KAZN: variants seen among roughly 807,000 people sequenced by gnomAD.
The protein encoded by KAZN is kazrin, periplakin interacting protein, also known as kazrin.
Under a neutral mutation model 87.4 loss-of-function variants are expected in KAZN, and 40 were observed. The ratio of observed to expected loss-of-function variants is 0.46; its 90% CI spans 0.36 to 0.60. The LOEUF (loss-of-function observed/expected upper bound fraction) is 0.60. Among genes scored for constraint, KAZN ranks in the 20% least tolerant of loss-of-function variants. The pLI, the probability that KAZN is intolerant of heterozygous loss-of-function variation, is 0.00. For synonymous variants in KAZN, 466 were observed against 458.3 expected (o/e 1.02, Z -0.22); for missense variants, 898 against 1,073.9 (o/e 0.84, Z 2.29).
At chr1:14,741,938 G>C (rs1474956925) in intron 1 of KAZN, among the ~76,000 whole-genome samples, 2 of 151,822 alleles carry the variant, frequency 1.3e-5, no homozygotes, top group Non-Finnish European at 2.9e-5. Flanking sequence ...TCTCTCTTGT[G>C]GTTGTTTTTT....
intron 1 of KAZN, among the ~76,000 whole-genome samples, chr1:14,049,645 TG>T (rs1255702574): frequency 3.9e-5 from 6 of 152,310 alleles, no homozygotes; most frequent in Non-Finnish European, 7.4e-5. Flanking sequence ...CTTCCTTTTT[TG>T]TTCCCTTTTC....
rs879602613 is a variant in KAZN, at chr1:14,088,836, A to AT, written c.92-91590dup. On this transcript the variant is annotated intron_variant, in intron 1 of 16. Coordinates refer to the KAZN transcript ENST00000636203. Reference sequence around the variant, plus strand: ...TTTATGAAGTCCATGCACATTTAGCATTTTTTTTTGCTCTCTTCATGAATG... The same window carrying AT: ...TTTATGAAGTCCATGCACATTTAGCATTTTTTTTTTGCTCTCTTCATGAATG... Among the ~76,000 whole-genome samples the AT allele has an allele frequency of 1.8e-3, 265 of 149,364 alleles. 1 individual carries two copies. The highest frequency in any genetic ancestry group is 3.1e-3 in the Non-Finnish European group (210 of 67,158).
chr1:14,972,181 T>G (rs1300390449), intron 2 of KAZN, among the ~76,000 whole-genome samples: 1 of 152,196 alleles, frequency 6.6e-6, no homozygotes, highest in Non-Finnish European at 1.5e-5. Context: ...AAATTTTGCT[T>G]GGAGCATGGC....
At chr1:14,833,901 C>A (rs1358967429) in intron 1 of KAZN, among the ~76,000 whole-genome samples, 1 of 151,240 alleles carries the variant, frequency 6.6e-6, no homozygotes, top group Non-Finnish European at 1.5e-5. Context: ...TGTCTAAGAG[C>A]CGAGAATGTC....
chr1:14,483,196 C>T (rs1265406468), intron 2 of KAZN, among the ~76,000 whole-genome samples: 1 of 152,162 alleles, frequency 6.6e-6, no homozygotes, highest in Non-Finnish European at 1.5e-5. Context: ...CCCATCCAAA[C>T]TCCAAGGCCA....
At chr1:14,235,246 T>C (rs1338878533) in intron 2 of KAZN, among the ~76,000 whole-genome samples, 1 of 152,172 alleles carries the variant, frequency 6.6e-6, no homozygotes, top group Non-Finnish European at 1.5e-5. Flanking sequence ...TATTCATCCA[T>C]AAACAAAATG....
At chr1:14,686,380 A>T (rs1006789077) in intron 1 of KAZN, among the ~76,000 whole-genome samples, 2 of 152,220 alleles carry the variant, frequency 1.3e-5, no homozygotes, top group African/African-American at 4.8e-5. Context: ...CCACTCTTGA[A>T]GATCGTACTG....
chr1:14,924,047 CGGGGCGGGGGCGGGGCG>C, intron 1 of KAZN: 6 of 746,718 alleles, frequency 8.0e-6, no homozygotes, highest in Non-Finnish European at 7.3e-6. Flanking sequence ...GGCGCCGCGG[CGGGGCGGGGGCGGGGCG>C]GGGGCGGGGC....
intron 2 of KAZN, among the ~76,000 whole-genome samples, chr1:14,525,475 C>A (rs1201378259): frequency 3.3e-5 from 5 of 152,092 alleles, no homozygotes; most frequent in Admixed American, 3.3e-4. Context: ...GCTTGTGTTC[C>A]GATAAAACTT....
intron 1 of KAZN, among the ~76,000 whole-genome samples, chr1:14,153,322 C>T (rs2884842): frequency 0.47 from 70,887 of 151,980 alleles, 16,820 homozygotes; most frequent in African/African-American, 0.55. Flanking sequence ...AGTAGTTTCA[C>T]AGTATGAGGT....
At chr1:15,039,863 T>C (rs755242253) in intron 3 of KAZN, among the ~76,000 whole-genome samples, 1 of 152,228 alleles carries the variant, frequency 6.6e-6, no homozygotes, top group Non-Finnish European at 1.5e-5. Flanking sequence ...CGGGGGCAGC[T>C]CCCTGTAGCT....
At chr1:14,046,657 G>A (rs1642086660) in intron 1 of KAZN, among the ~76,000 whole-genome samples, 1 of 152,156 alleles carries the variant, frequency 6.6e-6, no homozygotes, top group Admixed American at 6.5e-5. Flanking sequence ...CCTGAATGGT[G>A]GGGGTTTATT....
In KAZN at chr1:14,769,704, T is replaced by C. The variant is rs976399916; in HGVS notation, c.226+170481T>C. ...GGGCTCTTGATTAGTGTCTAAGTGA[T>C]TGCGGGAAATTAACACTGGTCCTTC... On this transcript the variant is annotated intron_variant, in intron 1 of 14. Transcript: ENST00000376030. This position sits in a 1 kb window ranked among gnomAD's most constrained non-coding sequence, Gnocchi z 4.1. 6.6e-6 allele frequency among the ~76,000 whole-genome samples: 1 copy of C among 152,228 alleles called. No homozygotes were observed. Among genetic ancestry groups the C allele is most frequent in the Non-Finnish European group, 1.5e-5 (1 of 68,046 alleles).
chr1:14,812,512 G>A (rs1313360385), intron 1 of KAZN, among the ~76,000 whole-genome samples: 1 of 152,100 alleles, frequency 6.6e-6, no homozygotes, highest in Non-Finnish European at 1.5e-5. Context: ...AAGCCTGGTG[G>A]GAATTTTTTG....
intron 2 of KAZN, among the ~76,000 whole-genome samples, chr1:14,437,655 C>A (rs1666475371): frequency 6.6e-6 from 1 of 152,212 alleles, no homozygotes; most frequent in Non-Finnish European, 1.5e-5. Flanking sequence ...CTCTCAGAAT[C>A]CGTGCCCCTG....
chr1:14,318,502 C>T (rs889073746), intron 2 of KAZN, among the ~76,000 whole-genome samples: 1 of 151,882 alleles, frequency 6.6e-6, no homozygotes, highest in African/African-American at 2.4e-5. Flanking sequence ...TACTGGTTTT[C>T]CGTAATTTGA....
chr1:14,704,669 G>T (rs1365141975), intron 1 of KAZN, among the ~76,000 whole-genome samples: 1 of 152,172 alleles, frequency 6.6e-6, no homozygotes, highest in Non-Finnish European at 1.5e-5. Context: ...GCATCTGGAC[G>T]TCTTTTCCAT....
chr1:15,048,718 G>C (rs1487901130), intron 4 of KAZN, among the ~76,000 whole-genome samples: 1 of 145,010 alleles, frequency 6.9e-6, no homozygotes. Context: ...CGTTGGTCCT[G>C]GGTCGTTGGT....
chr1:14,503,976 A>T lies in KAZN; in HGVS notation c.250-95007A>T, dbSNP rs1319069854. 2.0e-5 allele frequency among the ~76,000 whole-genome samples: 3 copies of T among 152,238 alleles called. No homozygotes were observed. In the East Asian group the frequency reaches 5.8e-4, roughly 30 times the overall value. On this transcript the variant is annotated intron_variant, in intron 2 of 16. Coordinates refer to the KAZN transcript ENST00000636203. ...GGGTGAGGCAAGAGAGGCACGTAGG[A>T]CAAAACATTTAAGGAAGCCCTCACT...
Sources: allele counts gnomAD v4.1 joint callset (sites outside exome capture counted in the v4.1 genomes callset), GRCh38; gene constraint gnomAD v4.1.1; non-coding constraint Gnocchi (gnomAD v3.1); transcripts MANE v1.5; gene names NCBI Gene and HGNC (gene_info 2026-07-23, HGNC 2026-07-21).